The following CAP2 variants were observed in gnomAD, a reference collection of about 807,000 sequenced individuals.
CAP2 encodes adenylyl cyclase-associated protein 2.
In CAP2, 24 loss-of-function variants were observed where a neutral mutation model predicts 57.7. The observed-to-expected ratio is 0.42, with a 90% confidence interval of 0.30 to 0.58. The LOEUF is 0.58. CAP2 is among the 20% of genes least tolerant of loss of function. CAP2 has a pLI of 0.22. For synonymous variants in CAP2, 194 were observed against 207.2 expected (o/e 0.94, Z 0.55); for missense variants, 501 against 590.3 (o/e 0.85, Z 1.57).
At chr6:17,509,883 A>AT (rs1757012817) in intron 6 of CAP2, among the ~76,000 whole-genome samples, 1 of 152,166 alleles carries the variant, frequency 6.6e-6, no homozygotes, top group Non-Finnish European at 1.5e-5. Context: ...TTATTTGGCC[A>AT]TAAAAAAAAA....
intron 1 of CAP2, among the ~76,000 whole-genome samples, chr6:17,409,841 T>G (rs1005689722): frequency 6.6e-6 from 1 of 152,084 alleles, no homozygotes; most frequent in African/African-American, 2.4e-5. Context: ...CTCCAACCAT[T>G]TAATCTTTTC....
intron 1 of CAP2, among the ~76,000 whole-genome samples, chr6:17,397,066 G>A (rs760685001): frequency 3.3e-5 from 5 of 152,016 alleles, no homozygotes; most frequent in African/African-American, 7.2e-5. Flanking sequence ...TTATAATCTC[G>A]CATTCTCTTT....
At chr6:17,414,802 T>C (rs1759235457) in intron 1 of CAP2, among the ~76,000 whole-genome samples, 1 of 152,232 alleles carries the variant, frequency 6.6e-6, no homozygotes, top group Non-Finnish European at 1.5e-5. Flanking sequence ...ATGGTATTTC[T>C]GGTTCTAGAT....
chr6:17,495,137 A>G (rs957699450), intron 4 of CAP2, among the ~76,000 whole-genome samples: 1 of 152,104 alleles, frequency 6.6e-6, no homozygotes, highest in Non-Finnish European at 1.5e-5. Context: ...AAATAAATAA[A>G]CATATCCTAT....
At chr6:17,417,361 G>A (rs947471714) in intron 1 of CAP2, among the ~76,000 whole-genome samples, 11 of 146,400 alleles carry the variant, frequency 7.5e-5, no homozygotes, top group Non-Finnish European at 1.0e-4. Context: ...CTGCAGCCTC[G>A]ACCTCCCAGG....
At chr6:17,419,833 G>A (rs1028959785) in intron 1 of CAP2, among the ~76,000 whole-genome samples, 34 of 151,628 alleles carry the variant, frequency 2.2e-4, no homozygotes, top group African/African-American at 6.1e-4. Context: ...ACAGGTGCCC[G>A]CCACCATGCC....
chr6:17,484,656 T>C, intron 4 of CAP2, among the ~76,000 whole-genome samples: 1 of 152,288 alleles, frequency 6.6e-6, no homozygotes, highest in Admixed American at 6.5e-5. Context: ...CAGTCAAGTC[T>C]GAGGGTAGTG....
chr6:17,543,579 C>T (rs896424619), intron 11 of CAP2, among the ~76,000 whole-genome samples: 4 of 143,872 alleles, frequency 2.8e-5, no homozygotes, highest in Admixed American at 1.5e-4. Context: ...GAGCCAAGAT[C>T]GCGCCACTGC....
At chr6:17,490,740 G>A (rs1284466455) in intron 4 of CAP2, among the ~76,000 whole-genome samples, 1 of 152,210 alleles carries the variant, frequency 6.6e-6, no homozygotes, top group Non-Finnish European at 1.5e-5. Flanking sequence ...ATTAGGCCAG[G>A]ATTGCTGGAG....
At chr6:17,475,393 G>A (rs1761127575) in intron 4 of CAP2, among the ~76,000 whole-genome samples, 2 of 152,164 alleles carry the variant, frequency 1.3e-5, no homozygotes, top group African/African-American at 4.8e-5. Context: ...TCCTGGATCA[G>A]CCTTGAAAGA....
chr6:17,469,206 G>A (rs746437479), intron 4 of CAP2, among the ~76,000 whole-genome samples: 1 of 152,260 alleles, frequency 6.6e-6, no homozygotes, highest in South Asian at 2.1e-4. Flanking sequence ...ATTCCTGGGA[G>A]GTCTCCCACT....
At chr6:17,426,798 C>T in intron 3 of CAP2, 108 bp downstream of exon 3, 1 of 759,962 alleles carries the variant, frequency 1.3e-6, no homozygotes, top group Non-Finnish European at 2.3e-6. Context: ...TTAGTTTTTA[C>T]TCTGGCTAGG....
chr6:17,400,091 T>TG (rs1758771247), intron 1 of CAP2, among the ~76,000 whole-genome samples: 1 of 150,812 alleles, frequency 6.6e-6, no homozygotes, highest in Non-Finnish European at 1.5e-5. Context: ...CTGGGCATGG[T>TG]GGCACGTGCC....
chr6:17,526,652 A>C (rs918071430), intron 7 of CAP2, among the ~76,000 whole-genome samples: 86 of 151,894 alleles, frequency 5.7e-4, no homozygotes, highest in African/African-American at 2.0e-3. Flanking sequence ...GGTAAAACAA[A>C]CCCTTCATAA....
At position 17,555,325 on chromosome 6, in the gene CAP2, G is replaced by A. The variant is rs1394599230; in HGVS notation, c.1351-1034G>A. The stretch of plus-strand genomic sequence containing the variant: ...TTCTCCTGCCTCAGCCTCCCGAGTA[G>A]CTGGGATTACAGTCATGCGCCACCA... On this transcript the variant is annotated intron_variant, in intron 12 of 12. Transcript: ENST00000229922. 3.3e-5 allele frequency among the ~76,000 whole-genome samples: 5 copies of A among 151,934 alleles called. No individual in the cohort carries two copies. The East Asian group carries it at 7.8e-4, about 24-fold the overall frequency.
At chr6:17,434,229 T>TC (rs2113550949) in intron 3 of CAP2, among the ~76,000 whole-genome samples, 1 of 139,718 alleles carries the variant, frequency 7.2e-6, no homozygotes, top group African/African-American at 3.4e-5. Flanking sequence ...TTCTCTTTTT[T>TC]TCTTTCTTTT....
intron 2 of CAP2, among the ~76,000 whole-genome samples, chr6:17,424,389 A>G (rs1043460164): frequency 3.9e-5 from 6 of 152,150 alleles, no homozygotes; most frequent in African/African-American, 1.4e-4. Context: ...GACACAGAGC[A>G]AGACTCCGTC....
At chr6:17,535,830 A>G (rs1161053855) in intron 7 of CAP2, among the ~76,000 whole-genome samples, 5 of 152,112 alleles carry the variant, frequency 3.3e-5, no homozygotes, top group Non-Finnish European at 5.9e-5. Flanking sequence ...TTGTCTACAG[A>G]TTGGAATCAC....
intron 4 of CAP2, among the ~76,000 whole-genome samples, chr6:17,494,392 A>G (rs1296019954): frequency 6.6e-6 from 1 of 151,598 alleles, no homozygotes; most frequent in Non-Finnish European, 1.5e-5. Context: ...CTCCTTAAAC[A>G]CTGGAGGCAC....
Sources: gnomAD v4.1 joint callset for allele counts (sites outside exome capture counted in the v4.1 genomes callset) on GRCh38, gnomAD v4.1.1 for gene constraint, MANE v1.5 for transcripts, NCBI Gene and HGNC (gene_info 2026-07-23, HGNC 2026-07-21) for gene names.